Variants in APC observed in about 807,000 individuals in gnomAD.
APC encodes adenomatous polyposis coli protein.
A neutral mutation model predicts 247.0 loss-of-function variants in APC; 72 were observed. The observed-to-expected ratio is 0.29, with a 90% CI of 0.24 to 0.35. The LOEUF is 0.35. Ranked by LOEUF, APC falls within the 10% of genes least tolerant of loss-of-function variation. The pLI, the probability that APC is intolerant of heterozygous loss-of-function variation, is 1.00. For missense variants in APC, 3,400 were observed against 3,360.7 expected (o/e 1.01, Z -0.29); for synonymous variants, 1,254 against 1,162.5 (o/e 1.08, Z -1.60).
At chr5:112,769,610 G>T (rs1264323228) in intron 4 of APC, among the ~76,000 whole-genome samples, 1 of 152,028 alleles carries the variant, frequency 6.6e-6, no homozygotes, top group Non-Finnish European at 1.5e-5. Context: ...TAGACATTCA[G>T]AAAATGGTAA....
chr5:112,732,549 G>A (rs553201826), intron 1 of APC, among the ~76,000 whole-genome samples: 6 of 152,214 alleles, frequency 3.9e-5, no homozygotes, highest in South Asian at 2.1e-4. Context: ...CTATTATTCC[G>A]TGAGGGCATC....
chr5:112,721,862 T>C (rs921135374), intron 1 of APC, among the ~76,000 whole-genome samples: 1 of 151,782 alleles, frequency 6.6e-6, no homozygotes, highest in African/African-American at 2.4e-5. Flanking sequence ...ACACTAACAA[T>C]AGCTGATGAG....
chr5:112,796,533 C>G (rs1383530062), intron 7 of APC, among the ~76,000 whole-genome samples: 1 of 151,912 alleles, frequency 6.6e-6, no homozygotes, highest in African/African-American at 2.4e-5. Flanking sequence ...CTGTCTTAAG[C>G]AAATATAAGT....
At position 112,840,621 on chromosome 5, in the gene APC, G is replaced by A. The variant is rs143674116; in HGVS notation, c.5027G>A (p.Arg1676Lys). ...PNELAAGEGV[R>K]GGAQSGEFEK... is the part of the protein sequence containing the mutation. ...GAGTTAGCTGCTGGAGAAGGAGTTA[G>A]AGGAGGGGCACAGTCAGGTGAATTT... The change falls in exon 16 of 16, where the codon AGA becomes AAA. Residue 1676 changes from arginine to lysine, a missense_variant. Coordinates refer to ENST00000257430, the MANE Select transcript of APC (RefSeq NM_000038.6). The surrounding 1 kb of genome is among the most constrained non-coding windows in gnomAD (Gnocchi z 4.1). The A allele has an allele frequency of 6.2e-7, 1 of 1,614,048 alleles. No individual in the cohort carries two copies.
At chr5:112,713,142 G>C (rs995533211) in intron 1 of APC, among the ~76,000 whole-genome samples, 6 of 144,956 alleles carry the variant, frequency 4.1e-5, no homozygotes, top group Non-Finnish European at 8.9e-5. Context: ...CTGCACTCCA[G>C]CCTGGGTGAC....
At chr5:112,734,781 G>A (rs1291324424), upstream of APC, among the ~76,000 whole-genome samples, 1 of 115,320 alleles carries the variant, frequency 8.7e-6, no homozygotes, top group African/African-American at 2.7e-5. Flanking sequence ...GTTTTCTTGT[G>A]TGTGTGTGTG....
rs1561598600 is a variant in APC at position 112,840,829 on chromosome 5, GATA to G, written c.5238_5240del (p.Ile1746del). Reference sequence around the variant, plus strand: ...GTCACAAGCCTTTCCGTGTGAAAAAGATAATGGACCAGGTCCAGCAAGCATCTG... The same window carrying G: ...GTCACAAGCCTTTCCGTGTGAAAAAGATGGACCAGGTCCAGCAAGCATCTG... On this transcript the variant is annotated inframe_deletion, in exon 16 of 16. Coordinates refer to ENST00000257430, the MANE Select transcript of APC (RefSeq NM_000038.6). This position sits in a 1 kb window ranked among gnomAD's most constrained non-coding sequence, Gnocchi z 4.1. 1 of 1,614,090 alleles carries G rather than the reference GATA, an allele frequency of 6.2e-7. No homozygotes were observed. Among genetic ancestry groups the G allele is most frequent in the African/African-American group, 1.3e-5 (1 of 75,020 alleles).
intron 1 of APC, among the ~76,000 whole-genome samples, chr5:112,723,890 C>G (rs753319293): frequency 2.0e-5 from 3 of 152,080 alleles, no homozygotes; most frequent in African/African-American, 2.4e-5. Flanking sequence ...AAATTCCCTG[C>G]TTCTAAACTA....
chr5:112,731,352 A>G (rs1752089122), intron 1 of APC, among the ~76,000 whole-genome samples: 2 of 152,322 alleles, frequency 1.3e-5, no homozygotes, highest in South Asian at 4.1e-4. Flanking sequence ...GTTCATAGTT[A>G]TAGGAGCTGA....
intron 7 of APC, among the ~76,000 whole-genome samples, chr5:112,794,919 T>C (rs1760038104): frequency 6.6e-6 from 1 of 152,168 alleles, no homozygotes; most frequent in African/African-American, 2.4e-5. Flanking sequence ...AAGAGACATA[T>C]GGGGCAAGGC....
At chr5:112,798,659 A>G (rs189855441) in intron 7 of APC, among the ~76,000 whole-genome samples, 77 of 152,370 alleles carry the variant, frequency 5.1e-4, no homozygotes, top group African/African-American at 1.6e-3. Flanking sequence ...ATCTTTCATA[A>G]TAGTGAACAA....
intron 8 of APC, among the ~76,000 whole-genome samples, chr5:112,812,754 G>A (rs1762117151): frequency 6.6e-6 from 1 of 152,176 alleles, no homozygotes; most frequent in Non-Finnish European, 1.5e-5. Flanking sequence ...TGTAGTGTGG[G>A]TGAGAATGTC....
chr5:112,712,303 T>C (rs906031567), intron 1 of APC, among the ~76,000 whole-genome samples: 2 of 152,194 alleles, frequency 1.3e-5, no homozygotes, highest in African/African-American at 2.4e-5. Context: ...ATCTTATATA[T>C]ACTACCCTAA....
At chr5:112,771,955 G>T (rs1448293241) in intron 4 of APC, among the ~76,000 whole-genome samples, 4 of 152,152 alleles carry the variant, frequency 2.6e-5, no homozygotes, top group Admixed American at 2.6e-4. Context: ...AAGTGATCAT[G>T]AGAATAACGA....
chr5:112,833,111 T>G (rs1764473387), intron 14 of APC, among the ~76,000 whole-genome samples: 1 of 151,788 alleles, frequency 6.6e-6, no homozygotes, highest in Non-Finnish European at 1.5e-5. Context: ...CCTCCTGGGC[T>G]CAAGCTAGCC....
At position 112,731,353 on chromosome 5, in the gene APC, T is replaced by C. The variant is rs1328292300; in HGVS notation, c.165+23471T>C. Reference sequence around the variant, plus strand: ...ACAGAAATTTATTGGTTCATAGTTATAGGAGCTGAGACGTCCAAGAGCATG... The same window carrying C: ...ACAGAAATTTATTGGTTCATAGTTACAGGAGCTGAGACGTCCAAGAGCATG... On this transcript the variant is annotated intron_variant, in intron 1 of 13. Transcript: ENST00000507379. Among the ~76,000 whole-genome samples the C allele has an allele frequency of 7.9e-5, 12 of 152,326 alleles. No individual in the cohort carries two copies. In the East Asian group the frequency reaches 1.2e-3, roughly 15 times the overall value.
intron 1 of APC, chr5:112,707,983 GCTCTCTT>G (rs1750625623): frequency 8.4e-7 from 1 of 1,184,212 alleles, no homozygotes; most frequent in Admixed American, 3.3e-5. Context: ...CGACTCTGTG[GCTCTCTT>G]CTCTCCATGT....
At chr5:112,758,833 C>A (rs1225602681) in intron 2 of APC, among the ~76,000 whole-genome samples, 1 of 151,716 alleles carries the variant, frequency 6.6e-6, no homozygotes, top group Non-Finnish European at 1.5e-5. Context: ...AAACTCCTGA[C>A]CTCAGGTGAT....
rs112112370 is a variant in APC, at chr5:112,728,082, AT to A, written c.165+20212del. Among the ~76,000 whole-genome samples, 461 of 146,354 alleles carry A rather than the reference AT, an allele frequency of 3.1e-3. 1 individual carries two copies. Among genetic ancestry groups the A allele is most frequent in the Middle Eastern group, 7.1e-3 (2 of 282 alleles). On this transcript the variant is annotated intron_variant, in intron 1 of 13. Transcript: ENST00000507379. Reference sequence around the variant, plus strand: ...TAAAACATTATGAGATTTTTTTGCAATTTTTTTTTTTTAAGCTCATCAGCTG... The same window carrying A: ...TAAAACATTATGAGATTTTTTTGCAATTTTTTTTTTTAAGCTCATCAGCTG...
Sources: allele counts gnomAD v4.1 joint callset (sites outside exome capture counted in the v4.1 genomes callset), GRCh38; gene constraint gnomAD v4.1.1; non-coding constraint Gnocchi (gnomAD v3.1); transcripts MANE v1.5; gene names NCBI Gene and HGNC (gene_info 2026-07-23, HGNC 2026-07-21).